The following PCDHGA11 variants were observed in gnomAD, a reference collection of about 807,000 sequenced individuals.
The protein encoded by PCDHGA11 is protocadherin gamma subfamily A, 11.
PCDHGA11 carries 39 observed loss-of-function variants against 60.4 expected under a neutral mutation model. The observed-to-expected ratio is 0.65, with a 90% CI of 0.50 to 0.84. The LOEUF (loss-of-function observed/expected upper bound fraction) is 0.84, where lower values mean the gene tolerates loss of function less well. Ranked by LOEUF, PCDHGA11 falls within the 40% of genes least tolerant of loss-of-function variation. The pLI is 0.00. For missense variants in PCDHGA11, 1,165 were observed against 1,197.7 expected (o/e 0.97, Z 0.40); for synonymous variants, 533 against 510.3 (o/e 1.04, Z -0.60).
In PCDHGA11 at chr5:141,489,801, T is replaced by C. The variant is rs201458939; in HGVS notation, c.2434-5006T>C. 6.2e-7 allele frequency: 1 copy of C among 1,614,148 alleles called. No homozygotes were observed. On this transcript the variant is annotated intron_variant, in intron 1 of 3. Coordinates refer to ENST00000398587, the MANE Select transcript of PCDHGA11 (RefSeq NM_018914.3). The surrounding 1 kb of genome is among the most constrained non-coding windows in gnomAD (Gnocchi z 4.5). The stretch of plus-strand genomic sequence containing the variant: ...CTCTGAATGTGAAGACCCTAAAAGA[T>C]GGGAAGCCATTCCCAGAGCTGGTGC...
intron 1 of PCDHGA11, among the ~76,000 whole-genome samples, chr5:141,455,776 A>G (rs1386162201): frequency 6.6e-6 from 1 of 152,186 alleles, no homozygotes. Context: ...GGGCTTTAAA[A>G]GAAACTTTTC....
intron 1 of PCDHGA11, chr5:141,441,855 G>T (rs1210416963): frequency 2.8e-6 from 1 of 351,872 alleles, no homozygotes; most frequent in Admixed American, 4.0e-5. Context: ...ATATGGTGCT[G>T]CACGCCGCGG....
intron 1 of PCDHGA11, among the ~76,000 whole-genome samples, chr5:141,460,344 A>G (rs930557610): frequency 7.2e-5 from 11 of 152,060 alleles, no homozygotes; most frequent in African/African-American, 2.2e-4. Context: ...ATTTTCTCCT[A>G]TATTTTCTTT....
chr5:141,478,576 G>C (rs543160289), intron 1 of PCDHGA11: 3 of 1,585,598 alleles, frequency 1.9e-6, no homozygotes, highest in Middle Eastern at 3.3e-4. Flanking sequence ...GCTTGACCCT[G>C]TTAGTGCTTT....
chr5:141,464,519 A>G (rs974292961), intron 1 of PCDHGA11, among the ~76,000 whole-genome samples: 21 of 152,058 alleles, frequency 1.4e-4, no homozygotes, highest in African/African-American at 4.1e-4. Context: ...AGGTAAAGGC[A>G]TATGTAGTTT....
intron 3 of PCDHGA11, among the ~76,000 whole-genome samples, chr5:141,510,147 C>T (rs1416633745): frequency 1.3e-5 from 2 of 151,984 alleles, no homozygotes; most frequent in Non-Finnish European, 2.9e-5. Flanking sequence ...GTGGTGTGCA[C>T]CTGTAATCTC....
At chr5:141,459,303 T>C (rs1419156629) in intron 1 of PCDHGA11, among the ~76,000 whole-genome samples, 1 of 152,242 alleles carries the variant, frequency 6.6e-6, no homozygotes, top group Non-Finnish European at 1.5e-5. Context: ...CTATAACATA[T>C]ACTATTTTGT....
Position 141,477,626 on chromosome 5 carries a change from G to C in PCDHGA11, c.2434-17181G>C. The C allele has an allele frequency of 1.2e-6, 2 of 1,614,170 alleles. No homozygotes were observed. Among genetic ancestry groups the C allele is most frequent in the Non-Finnish European group, 1.7e-6 (2 of 1,180,036 alleles). ...TCTCTTGGAGCAAGGAGCTGAAACCGGGCTAGTGGGTCGCTATTTCACAAT... is the reference window on the plus strand; with the variant it reads ...TCTCTTGGAGCAAGGAGCTGAAACCCGGCTAGTGGGTCGCTATTTCACAAT... On this transcript the variant is annotated intron_variant, in intron 1 of 3. Transcript: ENST00000398587. The surrounding 1 kb of genome is among the most constrained non-coding windows in gnomAD (Gnocchi z 4.9).
chr5:141,457,335 A>G (rs2098917073), intron 1 of PCDHGA11, among the ~76,000 whole-genome samples: 1 of 152,172 alleles, frequency 6.6e-6, no homozygotes, highest in Admixed American at 6.5e-5. Flanking sequence ...CAGGTACCTT[A>G]CTTACTTTCA....
intron 1 of PCDHGA11, among the ~76,000 whole-genome samples, chr5:141,443,477 C>T (rs1279226136): frequency 6.6e-6 from 1 of 152,116 alleles, no homozygotes; most frequent in Non-Finnish European, 1.5e-5. Flanking sequence ...CAGAATTAGA[C>T]CCTGTCCCAA....
At chr5:141,492,218 T>C (rs2099738354) in intron 1 of PCDHGA11, among the ~76,000 whole-genome samples, 1 of 152,114 alleles carries the variant, frequency 6.6e-6, no homozygotes. Flanking sequence ...GCGGGGCTCA[T>C]GCGTGTCCTC....
intron 1 of PCDHGA11, among the ~76,000 whole-genome samples, chr5:141,448,043 G>A (rs1000669754): frequency 3.3e-5 from 5 of 151,870 alleles, no homozygotes; most frequent in African/African-American, 1.2e-4. Context: ...CCAAGATCAT[G>A]CCATTGCTCT....
In PCDHGA11 at chr5:141,511,186, G is replaced by T; in HGVS notation, c.*13G>T. On this transcript the variant is annotated 3_prime_UTR_variant, in exon 4 of 4. Transcript: ENST00000398587. ...GGAGAAGAAGTAACATGGAGGCCAG[G>T]CCAAGAGCCACAGGGCGGCCTCTCC... 6.2e-7 allele frequency: 1 copy of T among 1,613,906 alleles called. No individual in the cohort carries two copies. The highest frequency in any genetic ancestry group is 2.2e-5 in the East Asian group (1 of 44,876).
chr5:141,444,265 A>G (rs1355824197), intron 1 of PCDHGA11, among the ~76,000 whole-genome samples: 3 of 133,712 alleles, frequency 2.2e-5, no homozygotes, highest in Non-Finnish European at 3.1e-5. Flanking sequence ...TCCGCCTCCC[A>G]GGTTCAAGTG....
At chr5:141,426,521 C>T (rs184198267) in intron 1 of PCDHGA11, 14 of 341,908 alleles carry the variant, frequency 4.1e-5, no homozygotes, top group Admixed American at 7.6e-5. Flanking sequence ...ACCGTGAACA[C>T]GGAGAATGGG....
chr5:141,501,970 T>C (rs2099812082), intron 2 of PCDHGA11, among the ~76,000 whole-genome samples: 1 of 152,068 alleles, frequency 6.6e-6, no homozygotes. Flanking sequence ...TCCTAACCTC[T>C]GGCATCTGGT....
chr5:141,457,417 CTTTT>C (rs894846890), intron 1 of PCDHGA11, among the ~76,000 whole-genome samples: 4 of 152,180 alleles, frequency 2.6e-5, no homozygotes, highest in Admixed American at 2.6e-4. Context: ...TTACCCATCC[CTTTT>C]TCCCCCCCAC....
At chr5:141,481,013 A>G (rs1198627648) in intron 1 of PCDHGA11, among the ~76,000 whole-genome samples, 1 of 152,164 alleles carries the variant, frequency 6.6e-6, no homozygotes, top group Admixed American at 6.5e-5. Context: ...AGCCCAGATC[A>G]CACCACTGCA....
At chr5:141,429,196 A>ACACACT in intron 1 of PCDHGA11, 1 of 151,994 alleles carries the variant, frequency 6.6e-6, no homozygotes, top group Non-Finnish European at 1.5e-5. Context: ...ACACACACAC[A>ACACACT]CACACACACG....
Sources: allele counts gnomAD v4.1 joint callset (sites outside exome capture counted in the v4.1 genomes callset), GRCh38; gene constraint gnomAD v4.1.1; non-coding constraint Gnocchi (gnomAD v3.1); transcripts MANE v1.5; gene names NCBI Gene and HGNC (gene_info 2026-07-23, HGNC 2026-07-21).